Variants in PDZD2 observed in about 807,000 individuals in gnomAD.
PDZD2 encodes the protein PDZ domain-containing protein 2.
A neutral mutation model predicts 220.7 loss-of-function variants in PDZD2; 90 were observed. The observed-to-expected ratio is 0.41, with a 90% CI of 0.34 to 0.49. PDZD2 has a LOEUF of 0.49. PDZD2 is among the 20% of genes least tolerant of loss of function. The pLI, the probability that PDZD2 is intolerant of heterozygous loss-of-function variation, is 0.28. For synonymous variants in PDZD2, 1,375 were observed against 1,450.5 expected (o/e 0.95, Z 1.18); for missense variants, 3,174 against 3,608.5 (o/e 0.88, Z 3.08).
intron 2 of PDZD2, among the ~76,000 whole-genome samples, chr5:31,902,053 T>G (rs1483964455): frequency 6.6e-6 from 1 of 152,256 alleles, no homozygotes; most frequent in Admixed American, 6.5e-5. Context: ...AACATTCATG[T>G]ACGAGATTTG....
chr5:31,876,840 GT>G (rs753023493), intron 2 of PDZD2, among the ~76,000 whole-genome samples: 2 of 152,220 alleles, frequency 1.3e-5, no homozygotes, highest in Non-Finnish European at 2.9e-5. Context: ...TGGAGCCCCA[GT>G]TCTGGGTGGT....
At chr5:31,742,452 G>C (rs1388191238) in intron 1 of PDZD2, 1 of 146,998 alleles carries the variant, frequency 6.8e-6, no homozygotes, top group Non-Finnish European at 1.5e-5. Flanking sequence ...TGACATTCTG[G>C]CATGGCTCTA....
At chr5:31,974,017 G>A (rs1015981613) in intron 2 of PDZD2, among the ~76,000 whole-genome samples, 4 of 152,270 alleles carry the variant, frequency 2.6e-5, no homozygotes, top group East Asian at 3.9e-4. Context: ...GTCTCACTCC[G>A]TCACCCAGGC....
intron 6 of PDZD2, 175 bp downstream of exon 6, chr5:32,010,657 G>A (rs756983079): frequency 1.4e-6 from 1 of 699,898 alleles, no homozygotes; most frequent in South Asian, 1.5e-5. Context: ...CTGTGAGGGT[G>A]ATATTTTTCC....
intron 2 of PDZD2, among the ~76,000 whole-genome samples, chr5:31,837,016 A>AAAAGAAAGAAAGAAAGAAAGAAAGAAAG (rs5867108): frequency 4.0e-4 from 59 of 146,680 alleles, no homozygotes; most frequent in African/African-American, 1.4e-3. Flanking sequence ...AGACTGTCTT[A>AAAAGAAAGAAAGAAAGAAAGAAAGAAAG]AAAGAAAGAA....
At chr5:32,062,812 C>T (rs775518163) in intron 14 of PDZD2, among the ~76,000 whole-genome samples, 3 of 152,224 alleles carry the variant, frequency 2.0e-5, no homozygotes, top group Middle Eastern at 3.4e-3. Flanking sequence ...TGACATTTAA[C>T]GTGCATTCAC....
At chr5:32,076,386 A>G (rs1270894670) in intron 18 of PDZD2, among the ~76,000 whole-genome samples, 1 of 150,454 alleles carries the variant, frequency 6.6e-6, no homozygotes, top group Non-Finnish European at 1.5e-5. Context: ...TATTAAAATA[A>G]GAGTTTTGTA....
chr5:31,839,975 G>A (rs953313351), intron 2 of PDZD2, among the ~76,000 whole-genome samples: 1 of 152,176 alleles, frequency 6.6e-6, no homozygotes, highest in African/African-American at 2.4e-5. Flanking sequence ...GGAACTGTGA[G>A]CCAATTAAAC....
At chr5:31,744,998 G>C (rs1318246604) in intron 1 of PDZD2, among the ~76,000 whole-genome samples, 1 of 152,078 alleles carries the variant, frequency 6.6e-6, no homozygotes, top group African/African-American at 2.4e-5. Context: ...GCATGAACCT[G>C]GGAGGCGGAG....
chr5:31,890,552 T>G (rs1308904506), intron 2 of PDZD2, among the ~76,000 whole-genome samples: 1 of 152,164 alleles, frequency 6.6e-6, no homozygotes, highest in Non-Finnish European at 1.5e-5. Context: ...CCAGGGCCCC[T>G]TCTTCCCTGA....
chr5:32,108,020 C>CTAT lies in PDZD2; in HGVS notation c.8408_8410dup (p.Ile2803dup), dbSNP rs1744961903. On this transcript the variant is annotated inframe_insertion, in exon 25 of 25. Coordinates refer to ENST00000438447, the MANE Select transcript of PDZD2 (RefSeq NM_178140.4). ...ATAGAAGCTGGAGATGAAATTCTTGCTATTAATGGGAAACCTCTGGTTGGG... is the reference window on the plus strand; with the variant it reads ...ATAGAAGCTGGAGATGAAATTCTTGCTATTATTAATGGGAAACCTCTGGTTGGG... 1.2e-6 allele frequency: 2 copies of CTAT among 1,612,558 alleles called. No individual in the cohort carries two copies. Among genetic ancestry groups the CTAT allele is most frequent in the Admixed American group, 1.7e-5 (1 of 60,008 alleles).
intron 2 of PDZD2, among the ~76,000 whole-genome samples, chr5:31,917,040 G>A (rs757783647): frequency 3.9e-5 from 6 of 152,144 alleles, no homozygotes; most frequent in Admixed American, 3.3e-4. Flanking sequence ...ACAAGGGTGG[G>A]GACACAGTAT....
intron 3 of PDZD2, among the ~76,000 whole-genome samples, chr5:31,986,076 C>CAAAA (rs55659088): frequency 3.9e-4 from 40 of 102,608 alleles, no homozygotes; most frequent in South Asian, 7.2e-4. Context: ...ACTCTTGTCT[C>CAAAA]AAAAAAAAAA....
intron 1 of PDZD2, among the ~76,000 whole-genome samples, chr5:31,765,057 A>G (rs990944598): frequency 3.6e-5 from 5 of 140,612 alleles, no homozygotes; most frequent in African/African-American, 1.1e-4. Context: ...AGCCTGGGCC[A>G]CAGAGCAAGA....
intron 1 of PDZD2, among the ~76,000 whole-genome samples, chr5:31,695,590 T>C (rs886094114): frequency 1.3e-5 from 2 of 152,222 alleles, no homozygotes; most frequent in African/African-American, 2.4e-5. Context: ...TCCTGAAGAC[T>C]GAGTTTTCTG....
intron 2 of PDZD2, among the ~76,000 whole-genome samples, chr5:31,886,401 C>A (rs945468609): frequency 2.6e-5 from 4 of 152,120 alleles, no homozygotes; most frequent in South Asian, 2.1e-4. Flanking sequence ...ACTCCTTCTT[C>A]CTCCCAGCTT....
intron 1 of PDZD2, among the ~76,000 whole-genome samples, chr5:31,687,690 G>T (rs1295973818): frequency 6.6e-6 from 1 of 152,116 alleles, no homozygotes; most frequent in African/African-American, 2.4e-5. Flanking sequence ...AGTTCTGGAG[G>T]CTGGACATCT....
intron 3 of PDZD2, among the ~76,000 whole-genome samples, chr5:31,991,788 GGAGGCC>G (rs1339676552): frequency 1.3e-5 from 2 of 152,140 alleles, no homozygotes; most frequent in African/African-American, 4.8e-5. Context: ...CAGCACTTTG[GGAGGCC>G]GAGGTGGGCA....
chr5:32,069,752 T>A, intron 15 of PDZD2, 102 bp downstream of exon 15: 1 of 679,836 alleles, frequency 1.5e-6, no homozygotes, highest in Non-Finnish European at 2.7e-6. Flanking sequence ...TTGGTAATTA[T>A]CAGGTTTGGC....
Sources: allele counts gnomAD v4.1 joint callset (sites outside exome capture counted in the v4.1 genomes callset), GRCh38; gene constraint gnomAD v4.1.1; transcripts MANE v1.5; gene names NCBI Gene and HGNC (gene_info 2026-07-23, HGNC 2026-07-21).